Variants in PCK2 observed in about 807,000 individuals in gnomAD.
The protein encoded by PCK2 is phosphoenolpyruvate carboxykinase [GTP], mitochondrial.
Under a neutral mutation model 65.9 loss-of-function variants are expected in PCK2, and 56 were observed. That is an observed-to-expected ratio of 0.85 (90% CI 0.69 to 1.06). The LOEUF is 1.06. Ranked by LOEUF, PCK2 falls within the 50% of genes least tolerant of loss-of-function variation. The probability of loss-of-function intolerance (pLI) is 0.00; values close to 1 mark genes in which losing one functional copy is unlikely to be tolerated. For synonymous variants in PCK2, 305 were observed against 319.6 expected, an observed-to-expected ratio of 0.95 and a Z score of 0.49; for missense variants, 843 against 863.1, an observed-to-expected ratio of 0.98 and a Z score of 0.29.
At chr14:24,099,767 C>T (rs779115372) in intron 6 of PCK2, 47 bp downstream of exon 6, 1 of 1,570,310 alleles carries the variant, frequency 6.4e-7, no homozygotes, top group South Asian at 1.1e-5. Context: ...CTTGTCAGAG[C>T]CTCGGGGTCT....
chr14:24,096,228 CTTTTTTT>C (rs34592767), intron 1 of PCK2, among the ~76,000 whole-genome samples: 4 of 58,844 alleles, frequency 6.8e-5, no homozygotes, highest in Non-Finnish European at 1.1e-4. Flanking sequence ...CTACTCATTT[CTTTTTTT>C]TTTTTTTTTT....
Position 24,094,671 on chromosome 14 carries a change from C to T in PCK2, c.29+237C>T, listed in dbSNP as rs1444403073. On this transcript the variant is annotated intron_variant, in intron 1 of 9. Transcript: ENST00000216780. This position sits in a 1 kb window ranked among gnomAD's most constrained non-coding sequence, Gnocchi z 4.1. ...CCTTCTCTGCCTCGCTCGCCTCTGA[C>T]CGCGCGATCTCTATCTGCCACTCTC... 2.0e-6 allele frequency: 3 copies of T among 1,514,996 alleles called. No homozygotes were observed. The East Asian group carries it at 7.4e-5, about 38-fold the overall frequency. 93.8% of individuals were successfully genotyped at this position (1,514,996 alleles called of 1,614,324 possible).
chr14:24,101,536 C>T (rs1350014049), intron 7 of PCK2, among the ~76,000 whole-genome samples: 1 of 152,240 alleles, frequency 6.6e-6, no homozygotes, highest in Non-Finnish European at 1.5e-5. Context: ...GTTATCCCTA[C>T]CCATGTGATA....
chr14:24,097,184 C>T (rs762973456), intron 2 of PCK2, 47 bp downstream of exon 2: 1 of 1,590,338 alleles, frequency 6.3e-7, no homozygotes, highest in South Asian at 1.1e-5. Context: ...ACTGAGGCCA[C>T]TTTGGGTTCA....
chr14:24,094,632 C>T lies in PCK2; in HGVS notation c.29+198C>T. The T allele has an allele frequency of 1.4e-6, 2 of 1,475,428 alleles. No individual in the cohort carries two copies. The highest frequency in any genetic ancestry group is 9.0e-7 in the Non-Finnish European group (1 of 1,114,332). 91.4% of individuals were successfully genotyped at this position (1,475,428 alleles called of 1,614,324 possible). A position where few individuals can be genotyped will look rare whatever the true frequency, so the allele number is the denominator to read the frequency against. On this transcript the variant is annotated intron_variant, in intron 1 of 9. Coordinates refer to ENST00000216780, the MANE Select transcript of PCK2 (RefSeq NM_004563.4). The surrounding 1 kb of genome is among the most constrained non-coding windows in gnomAD (Gnocchi z 4.1). ...GGCAGCCGGCCGGTGCTCCTCGTTT[C>T]CGCCTGCACCTCCCCTTCTCTGCCT...
intron 6 of PCK2, 102 bp downstream of exon 6, chr14:24,099,822 G>A: frequency 6.6e-7 from 1 of 1,511,670 alleles, no homozygotes; most frequent in Non-Finnish European, 9.2e-7. Flanking sequence ...AAAGTTTCCT[G>A]AACACCCAAC....
At position 24,103,942 on chromosome 14, in the gene PCK2, A is replaced by T. The variant is rs142085278; in HGVS notation, c.1901A>T (p.Glu634Val). The change falls in exon 10 of 10, where the codon GAG becomes GTG. Residue 634 changes from glutamate (E) to valine (V), a missense_variant. Physicochemically the swap from Glu to Val is moderately radical, Grantham distance 121. Coordinates refer to ENST00000216780, the MANE Select transcript of PCK2 (RefSeq NM_004563.4). Reference protein sequence around the residue: ...KEVLAELEALERRVHKM With the variant: ...KEVLAELEALVRRVHKM ...GTGTTGGCTGAGCTTGAGGCCCTGG[A>T]GAGACGTGTGCACAAAATGTGACCT... 11 of 1,613,872 alleles carry T rather than the reference A, an allele frequency of 6.8e-6. No homozygotes were observed. The African/African-American group carries it at 1.5e-4, about 22-fold the overall frequency.
At chr14:24,096,541 C>T (rs1594287459) in intron 1 of PCK2, among the ~76,000 whole-genome samples, 1 of 152,226 alleles carries the variant, frequency 6.6e-6, no homozygotes, top group Middle Eastern at 3.4e-3. Context: ...AGCCATCTCC[C>T]TACTTATTTC....
Position 24,094,662 on chromosome 14 carries a change from C to T in PCK2, c.29+228C>T, listed in dbSNP as rs1035413227. 3 of 1,506,550 alleles carry T rather than the reference C, an allele frequency of 2.0e-6. No individual in the cohort carries two copies. The highest frequency in any genetic ancestry group is 2.7e-6 in the Non-Finnish European group (3 of 1,129,568). 93.3% of individuals were successfully genotyped at this position (1,506,550 alleles called of 1,614,324 possible). ...TGCACCTCCCCTTCTCTGCCTCGCTCGCCTCTGACCGCGCGATCTCTATCT... is the reference window on the plus strand; with the variant it reads ...TGCACCTCCCCTTCTCTGCCTCGCTTGCCTCTGACCGCGCGATCTCTATCT... On this transcript the variant is annotated intron_variant, in intron 1 of 9. Transcript: ENST00000216780. The surrounding 1 kb of genome is among the most constrained non-coding windows in gnomAD (Gnocchi z 4.1).
In PCK2 at chr14:24,103,220, T is replaced by C. The variant is rs1414326220; in HGVS notation, c.1433T>C (p.Met478Thr). ...CATGGGGTGTTTGTGGGCAGCGCCA[T>C]GCGCTCTGAGTCCACTGCTGCAGCA... is the stretch of plus-strand genomic sequence containing the variant. ...WRHGVFVGSAMRSESTAAAEH... is the reference protein window; with the variant it reads ...WRHGVFVGSATRSESTAAAEH... Residue 478 changes from methionine to threonine, a missense_variant, in exon 9 of 10, where the codon ATG becomes ACG. By Grantham distance (81) the Met-to-Thr change is moderately conservative. Coordinates refer to ENST00000216780, the MANE Select transcript of PCK2 (RefSeq NM_004563.4). The C allele has an allele frequency of 1.8e-5, 29 of 1,613,972 alleles. 2 individuals carry two copies. Among genetic ancestry groups the C allele is most frequent in the African/African-American group, 9.3e-5 (7 of 74,924 alleles).
intron 1 of PCK2, among the ~76,000 whole-genome samples, chr14:24,095,810 C>T (rs1400421712): frequency 6.6e-6 from 1 of 152,228 alleles, no homozygotes; most frequent in Admixed American, 6.5e-5. Context: ...GGACGCTGAC[C>T]TCCTGAGAAT....
In PCK2 at chr14:24,094,799, C is replaced by T. The variant is rs1416693710; in HGVS notation, c.29+365C>T. On this transcript the variant is annotated intron_variant, in intron 1 of 9. Coordinates refer to ENST00000216780, the MANE Select transcript of PCK2 (RefSeq NM_004563.4). The surrounding 1 kb of genome is among the most constrained non-coding windows in gnomAD (Gnocchi z 4.1). ...CTCGGACCTCTAACGGGCTCTCAGC[C>T]AGCGCCCCAGGGTACTTCGAGAGGC... is the stretch of plus-strand genomic sequence containing the variant. The T allele has an allele frequency of 1.8e-5, 24 of 1,358,800 alleles. No individual in the cohort carries two copies. The highest frequency in any genetic ancestry group is 2.3e-5 in the Non-Finnish European group (24 of 1,034,202). 84.2% of individuals were successfully genotyped at this position (1,358,800 alleles called of 1,614,324 possible).
rs1467776589 is a variant in PCK2, at chr14:24,098,560, C to G, written c.546C>G (p.Ala182=). Reference sequence around the variant, plus strand: ...TCGGGGTGCAGCTCACTGACTCAGCCTATGTGGTGGCAAGCATGCGTATTA... The same window carrying G: ...TCGGGGTGCAGCTCACTGACTCAGCGTATGTGGTGGCAAGCATGCGTATTA... ...SRIGVQLTDS[A]YVVASMRIMT... The change falls in exon 4 of 10, where the codon GCC becomes GCG. Residue 182 remains alanine (A), a synonymous_variant. Coordinates refer to ENST00000216780, the MANE Select transcript of PCK2 (RefSeq NM_004563.4). The G allele has an allele frequency of 6.2e-7, 1 of 1,614,148 alleles. No homozygotes were observed. Among genetic ancestry groups the G allele is most frequent in the Non-Finnish European group, 8.5e-7 (1 of 1,180,006 alleles).
In PCK2 at chr14:24,094,777, G is replaced by A. The variant is rs1453278996; in HGVS notation, c.29+343G>A. The A allele has an allele frequency of 7.1e-7, 1 of 1,401,414 alleles. No individual in the cohort carries two copies. Among genetic ancestry groups the A allele is most frequent in the East Asian group, 3.6e-5 (1 of 28,002 alleles). The allele number at this position is 1,401,414 out of a possible 1,614,324, so 86.8% of individuals were successfully genotyped here. A position where few individuals can be genotyped will look rare whatever the true frequency, so the allele number is the denominator to read the frequency against. On this transcript the variant is annotated intron_variant, in intron 1 of 9. Transcript: ENST00000216780. This position sits in a 1 kb window ranked among gnomAD's most constrained non-coding sequence, Gnocchi z 4.1. ...CCTTTCCTTCCCAGATACCTCCCTCGGACCTCTAACGGGCTCTCAGCCAGC... is the reference window on the plus strand; with the variant it reads ...CCTTTCCTTCCCAGATACCTCCCTCAGACCTCTAACGGGCTCTCAGCCAGC...
In PCK2 at chr14:24,098,727, C is replaced by CA. The variant is rs1226681298; in HGVS notation, c.664+50dup. The CA allele has an allele frequency of 3.3e-6, 5 of 1,501,240 alleles. No homozygotes were observed. In the African/African-American group the frequency reaches 6.9e-5, roughly 21 times the overall value. 93.0% of individuals were successfully genotyped at this position (1,501,240 alleles called of 1,614,324 possible). ...GGGAACACAGAGGCCTTCTTGTACT[C>CA]AGAGGAAATCCCAAATCCTACCTCT... is the stretch of plus-strand genomic sequence containing the variant. On this transcript the variant is annotated intron_variant, in intron 4 of 9. Transcript: ENST00000216780.
At chr14:24,101,101 T>C (rs2037143324) in intron 7 of PCK2, among the ~76,000 whole-genome samples, 1 of 152,136 alleles carries the variant, frequency 6.6e-6, no homozygotes, top group African/African-American at 2.4e-5. Flanking sequence ...CCTTTATTTT[T>C]ACTAACACCA....
chr14:24,098,732 G>A, intron 4 of PCK2, 54 bp downstream of exon 4: 1 of 1,483,830 alleles, frequency 6.7e-7, no homozygotes, highest in Non-Finnish European at 9.3e-7. Context: ...GTACTCAGAG[G>A]AAATCCCAAA....
rs947642732 is a variant in PCK2, at chr14:24,104,071, G to A, written c.*107G>A. 2 of 709,792 alleles carry A rather than the reference G, an allele frequency of 2.8e-6. No individual in the cohort carries two copies. The highest frequency in any genetic ancestry group is 4.8e-4 in the Middle Eastern group (2 of 4,140). 44.0% of individuals were successfully genotyped at this position (709,792 alleles called of 1,614,324 possible). A position where few individuals can be genotyped will look rare whatever the true frequency, so the allele number is the denominator to read the frequency against. ...TGATATTAACTAACATCTTCAATGT[G>A]CCATAGACCTTCCCACAAAGACTGT... On this transcript the variant is annotated 3_prime_UTR_variant, in exon 10 of 10. Coordinates refer to ENST00000216780, the MANE Select transcript of PCK2 (RefSeq NM_004563.4).
In PCK2 at chr14:24,103,501, C is replaced by T. The variant is rs1298986698; in HGVS notation, c.1469-9C>T. ...GGAAGATTCCTTACCCATCTTGCTT[C>T]CCCCCCAGGGAAGATCATCATGCAC... On this transcript the variant is annotated splice_polypyrimidine_tract_variant and intron_variant, in intron 9 of 9. Transcript: ENST00000216780. 9.1e-6 allele frequency: 14 copies of T among 1,532,196 alleles called. No individual in the cohort carries two copies. Among genetic ancestry groups the T allele is most frequent in the African/African-American group, 1.4e-5 (1 of 71,618 alleles). 94.9% of individuals were successfully genotyped at this position (1,532,196 alleles called of 1,614,324 possible). A position where few individuals can be genotyped will look rare whatever the true frequency, so the allele number is the denominator to read the frequency against.
Sources: gnomAD v4.1 joint callset for allele counts (sites outside exome capture counted in the v4.1 genomes callset) on GRCh38, gnomAD v4.1.1 for gene constraint, Gnocchi (gnomAD v3.1) non-coding constraint, MANE v1.5 for transcripts, NCBI Gene and HGNC (gene_info 2026-07-23, HGNC 2026-07-21) for gene names.